The following SLC9A9 variants were observed in gnomAD, a reference collection of about 807,000 sequenced individuals.
SLC9A9 encodes the protein solute carrier family 9 member A9.
In SLC9A9, 62 loss-of-function variants were observed where a neutral mutation model predicts 77.8. That is an observed-to-expected ratio of 0.80 (90% CI 0.65 to 0.98). The LOEUF is 0.98. SLC9A9 is among the 50% of genes least tolerant of loss of function. The pLI is 0.00. For missense variants in SLC9A9, 775 were observed against 774.9 expected (o/e 1.00, Z 0.00); for synonymous variants, 320 against 283.5 (o/e 1.13, Z -1.29).
At chr3:143,683,969 T>A (rs769654574) in intron 5 of SLC9A9, among the ~76,000 whole-genome samples, 43 of 152,014 alleles carry the variant, frequency 2.8e-4, no homozygotes, top group Non-Finnish European at 5.0e-4. Context: ...TAGTGCAGCA[T>A]AAAAATAATG....
chr3:143,392,619 A>G (rs973706978), intron 12 of SLC9A9, among the ~76,000 whole-genome samples: 3 of 152,236 alleles, frequency 2.0e-5, no homozygotes, highest in Admixed American at 1.3e-4. Context: ...TTAAATGTAA[A>G]TGGGCTAAAT....
chr3:143,503,361 G>T, intron 9 of SLC9A9: 2 of 307,286 alleles, frequency 6.5e-6, no homozygotes, highest in South Asian at 2.8e-5. Context: ...TTAACAAAGT[G>T]GTCATTGAGA....
intron 2 of SLC9A9, among the ~76,000 whole-genome samples, chr3:143,830,896 G>C (rs892804674): frequency 5.9e-5 from 9 of 151,982 alleles, no homozygotes; most frequent in Admixed American, 3.9e-4. Flanking sequence ...TATCTAATTT[G>C]CTTTTTTTGT....
rs554982580 is a variant in SLC9A9 at position 143,536,981 on chromosome 3, G to C, written c.1089+15381C>G. ...GCCAATTGCATCAGAATCTCTGGGGGAGCCACTGGCCAGCAAGATTTTTTA... is the reference window on the plus strand; with the variant it reads ...GCCAATTGCATCAGAATCTCTGGGGCAGCCACTGGCCAGCAAGATTTTTTA... On this transcript the variant is annotated intron_variant, in intron 9 of 15. Transcript: ENST00000316549. Among the ~76,000 whole-genome samples the C allele has an allele frequency of 2.6e-5, 4 of 152,128 alleles. 1 individual carries two copies. The highest frequency in any genetic ancestry group is 9.6e-5 in the African/African-American group (4 of 41,496).
chr3:143,538,175 C>A (rs979527005), intron 9 of SLC9A9, among the ~76,000 whole-genome samples: 4 of 152,306 alleles, frequency 2.6e-5, no homozygotes, highest in South Asian at 4.1e-4. Context: ...TTACATGAAA[C>A]ATTTGGCAGG....
chr3:143,527,008 AGAGCTCTAT>A (rs1301280308), intron 9 of SLC9A9, among the ~76,000 whole-genome samples: 1 of 152,194 alleles, frequency 6.6e-6, no homozygotes, highest in African/African-American at 2.4e-5. Flanking sequence ...GGTTTACTGG[AGAGCTCTAT>A]TCTTATTTTA....
intron 12 of SLC9A9, among the ~76,000 whole-genome samples, chr3:143,429,713 T>C (rs1301902227): frequency 1.3e-5 from 2 of 151,990 alleles, no homozygotes; most frequent in Admixed American, 1.3e-4. Context: ...CAGATGGAGA[T>C]CACCCCTCCA....
intron 9 of SLC9A9, among the ~76,000 whole-genome samples, chr3:143,499,310 A>T (rs1422310892): frequency 1.3e-5 from 2 of 152,130 alleles, no homozygotes; most frequent in Non-Finnish European, 2.9e-5. Context: ...ATATCCTTAT[A>T]ATTATTTTGG....
chr3:143,432,982 G>A (rs904384571), intron 12 of SLC9A9, among the ~76,000 whole-genome samples: 3 of 152,134 alleles, frequency 2.0e-5, no homozygotes, highest in Admixed American at 6.5e-5. Flanking sequence ...CTCAAAACAT[G>A]CTCTGATTAG....
At chr3:143,421,767 C>T in intron 12 of SLC9A9, among the ~76,000 whole-genome samples, 1 of 152,124 alleles carries the variant, frequency 6.6e-6, no homozygotes. Flanking sequence ...AGAGCTTTTG[C>T]ACAGCAAACG....
chr3:143,794,836 A>T (rs2008329624), intron 4 of SLC9A9, among the ~76,000 whole-genome samples, 165 bp downstream of exon 4: 1 of 152,172 alleles, frequency 6.6e-6, no homozygotes. Flanking sequence ...GAAGCCTTGT[A>T]TTTGTCAGAA....
At chr3:143,531,510 T>C (rs1023898964) in intron 9 of SLC9A9, among the ~76,000 whole-genome samples, 1 of 152,186 alleles carries the variant, frequency 6.6e-6, no homozygotes, top group Non-Finnish European at 1.5e-5. Context: ...TAAGACATAA[T>C]GTATAGGAAG....
chr3:143,379,525 T>A (rs948391219), intron 13 of SLC9A9, among the ~76,000 whole-genome samples: 2 of 152,242 alleles, frequency 1.3e-5, no homozygotes, highest in African/African-American at 4.8e-5. Context: ...ATAAGAACAC[T>A]TACAGTATAC....
At position 143,266,785 on chromosome 3, in the gene SLC9A9, C is replaced by T; in HGVS notation, c.1855G>A (p.Glu619Lys). The change falls in exon 16 of 16, where the codon GAA (glutamate) becomes AAA (lysine). Residue 619 changes from glutamate to lysine, a missense_variant. Physicochemically the swap from Glu to Lys is moderately conservative, Grantham distance 56. Coordinates refer to ENST00000316549, the MANE Select transcript of SLC9A9 (RefSeq NM_173653.4). Reference protein sequence around the residue: ...QKASPQTPGKENIYEGDLGLG... With the variant: ...QKASPQTPGKKNIYEGDLGLG... ...CCGAGGTCTCCCTCATAAATGTTTT[C>T]CTTGCCTGGCGTCTGGGGTGAAGCT... The T allele has an allele frequency of 6.2e-7, 1 of 1,614,176 alleles. No individual in the cohort carries two copies. The highest frequency in any genetic ancestry group is 8.5e-7 in the Non-Finnish European group (1 of 1,180,034).
chr3:143,539,975 GA>G (rs1238062705), intron 9 of SLC9A9, among the ~76,000 whole-genome samples: 2 of 152,086 alleles, frequency 1.3e-5, no homozygotes, highest in Non-Finnish European at 2.9e-5. Context: ...TGATTTGGGG[GA>G]AAATATAATA....
chr3:143,728,434 G>A (rs1297993887), intron 4 of SLC9A9, among the ~76,000 whole-genome samples: 2 of 152,178 alleles, frequency 1.3e-5, no homozygotes, highest in Non-Finnish European at 2.9e-5. Context: ...GAAGGAAGAT[G>A]ACATCTTCTG....
intron 12 of SLC9A9, among the ~76,000 whole-genome samples, chr3:143,449,823 C>CAT (rs1559921657): frequency 4.0e-5 from 3 of 74,150 alleles, no homozygotes; most frequent in South Asian, 4.2e-4. Flanking sequence ...TATATATTTA[C>CAT]ATATATAATT....
At chr3:143,352,852 C>T (rs2032495786) in intron 14 of SLC9A9, among the ~76,000 whole-genome samples, 1 of 152,164 alleles carries the variant, frequency 6.6e-6, no homozygotes, top group Admixed American at 6.6e-5. Context: ...TCAATTTATT[C>T]TTCTCCCTGT....
At chr3:143,687,774 G>A (rs4378956) in intron 5 of SLC9A9, among the ~76,000 whole-genome samples, 65,475 of 151,796 alleles carry the variant, frequency 0.43, 14,307 homozygotes, top group South Asian at 0.6. Context: ...AATGAGAAAT[G>A]CTATCTTCTA....
Sources: gnomAD v4.1 joint callset for allele counts (sites outside exome capture counted in the v4.1 genomes callset) on GRCh38, gnomAD v4.1.1 for gene constraint, MANE v1.5 for transcripts, NCBI Gene and HGNC (gene_info 2026-07-23, HGNC 2026-07-21) for gene names.